The following PARD3B variants were observed in gnomAD, a reference collection of about 807,000 sequenced individuals.
PARD3B encodes the protein par-3 family cell polarity regulator beta, also known as partitioning defective 3 homolog B.
PARD3B carries 103 observed loss-of-function variants against 130.2 expected under a neutral mutation model. That is an observed-to-expected ratio of 0.79 (90% confidence interval 0.67 to 0.93). PARD3B has a LOEUF of 0.93. Ranked by LOEUF, PARD3B falls within the 40% of genes least tolerant of loss-of-function variation. The pLI is 0.00. For missense variants in PARD3B, 1,609 were observed against 1,499.2 expected, an observed-to-expected ratio of 1.07 and a Z score of -1.21; for synonymous variants, 583 against 553.2, an observed-to-expected ratio of 1.05 and a Z score of -0.76.
In PARD3B at chr2:205,463,657, GATTA is replaced by G. The variant is rs2048526954; in HGVS notation, c.3044+22991_3044+22994del. 6.6e-6 allele frequency among the ~76,000 whole-genome samples: 1 copy of G among 152,282 alleles called. No individual in the cohort carries two copies. Among genetic ancestry groups the G allele is most frequent in the African/African-American group, 2.4e-5 (1 of 41,548 alleles). On this transcript the variant is annotated intron_variant, in intron 20 of 22. Coordinates refer to ENST00000406610, the MANE Select transcript of PARD3B (RefSeq NM_001302769.2). The surrounding 1 kb of genome is among the most constrained non-coding windows in gnomAD (Gnocchi z 4.8). ...TTTAAATGAATGGTTAATGGCTGAA[GATTA>G]ATTAAACAGTCAGAGTTGCTGAAGA...
chr2:205,389,271 C>G lies in PARD3B; in HGVS notation c.2631-11742C>G, dbSNP rs112090642. Among the ~76,000 whole-genome samples the G allele has an allele frequency of 6.5e-3, 984 of 152,220 alleles. 11 individuals carry two copies. The highest frequency in any genetic ancestry group is 7.9e-3 in the Non-Finnish European group (537 of 68,012). ...GAAATCTGATCCCTTGCCTTACAAA[C>G]TAAGTTAGGGCTCATATTTTCCAAT... On this transcript the variant is annotated intron_variant, in intron 18 of 22. Transcript: ENST00000406610.
chr2:205,548,006 C>T (rs2052451160), intron 21 of PARD3B, among the ~76,000 whole-genome samples: 2 of 152,148 alleles, frequency 1.3e-5, no homozygotes, highest in Admixed American at 1.3e-4. Context: ...TGTTTTGGCA[C>T]TGTGGAACAC....
intron 21 of PARD3B, among the ~76,000 whole-genome samples, chr2:205,543,419 T>A (rs965155475): frequency 6.6e-6 from 1 of 152,206 alleles, no homozygotes; most frequent in East Asian, 1.9e-4. Flanking sequence ...CACAAACCAC[T>A]GAGAATACTT....
intron 21 of PARD3B, among the ~76,000 whole-genome samples, chr2:205,502,644 A>G (rs1002857540): frequency 6.6e-6 from 1 of 152,124 alleles, no homozygotes; most frequent in Non-Finnish European, 1.5e-5. Context: ...CTTCTGAACT[A>G]TGGAGAAGGA....
intron 2 of PARD3B, among the ~76,000 whole-genome samples, chr2:204,713,820 A>G (rs1293045953): frequency 1.2e-5 from 1 of 84,098 alleles, no homozygotes; most frequent in Non-Finnish European, 2.6e-5. Context: ...AATGTTGTTC[A>G]AGGGTTGCCT....
chr2:205,529,258 T>C (rs1408670626), intron 21 of PARD3B, among the ~76,000 whole-genome samples: 1 of 152,228 alleles, frequency 6.6e-6, no homozygotes, highest in Non-Finnish European at 1.5e-5. Flanking sequence ...ACTTTATTTG[T>C]AGTTAATTTA....
chr2:205,603,772 C>T (rs1369404615), intron 22 of PARD3B, among the ~76,000 whole-genome samples: 1 of 152,160 alleles, frequency 6.6e-6, no homozygotes, highest in African/African-American at 2.4e-5. Context: ...CTTTTGAATA[C>T]AGAATACAAT....
rs988598071 is a variant in PARD3B, at chr2:205,563,269, G to A, written c.3260+9866G>A. ...TAAGAACAATCAAGGCAAGGGAGAGGTTGTAAAACCTATTGCGTGCCTTCT... is the reference window on the plus strand; with the variant it reads ...TAAGAACAATCAAGGCAAGGGAGAGATTGTAAAACCTATTGCGTGCCTTCT... On this transcript the variant is annotated intron_variant, in intron 22 of 22. Coordinates refer to ENST00000406610, the MANE Select transcript of PARD3B (RefSeq NM_001302769.2). This position sits in a 1 kb window ranked among gnomAD's most constrained non-coding sequence, Gnocchi z 4.2. 6.6e-6 allele frequency among the ~76,000 whole-genome samples: 1 copy of A among 152,172 alleles called. No individual in the cohort carries two copies. Among genetic ancestry groups the A allele is most frequent in the Non-Finnish European group, 1.5e-5 (1 of 68,048 alleles).
intron 2 of PARD3B, among the ~76,000 whole-genome samples, chr2:204,715,484 C>CT (rs77864369): frequency 0.047 from 6,344 of 135,452 alleles, 437 homozygotes; most frequent in African/African-American, 0.15. Flanking sequence ...TGCTGTTTTT[C>CT]TTTTTTTTTT....
At chr2:205,139,971 A>G (rs1373109009) in intron 10 of PARD3B, among the ~76,000 whole-genome samples, 1 of 152,220 alleles carries the variant, frequency 6.6e-6, no homozygotes, top group Non-Finnish European at 1.5e-5. Flanking sequence ...AAGAATACTG[A>G]TCGCATGTGA....
intron 2 of PARD3B, among the ~76,000 whole-genome samples, chr2:204,714,400 CTG>C (rs1403080447): frequency 3.3e-5 from 5 of 152,112 alleles, no homozygotes; most frequent in East Asian, 1.9e-4. Context: ...TTTATTTTTT[CTG>C]TGTTTTTTTA....
At position 204,907,223 on chromosome 2, in the gene PARD3B, A is replaced by G. The variant is rs1385955002; in HGVS notation, c.223-57929A>G. On this transcript the variant is annotated intron_variant, in intron 2 of 22. Coordinates refer to ENST00000406610, the MANE Select transcript of PARD3B (RefSeq NM_001302769.2). The surrounding 1 kb of genome is among the most constrained non-coding windows in gnomAD (Gnocchi z 5.7). ...TCTTGATCTTCTGACCTTGTTATCCACCCACCTCGGCCTCCCAAAGTGCTG... is the reference window on the plus strand; with the variant it reads ...TCTTGATCTTCTGACCTTGTTATCCGCCCACCTCGGCCTCCCAAAGTGCTG... Among the ~76,000 whole-genome samples, 1 of 151,912 alleles carries G rather than the reference A, an allele frequency of 6.6e-6. No individual in the cohort carries two copies. Among genetic ancestry groups the G allele is most frequent in the Admixed American group, 6.6e-5 (1 of 15,244 alleles).
At chr2:205,215,957 T>C (rs1440249308) in intron 15 of PARD3B, among the ~76,000 whole-genome samples, 1 of 152,088 alleles carries the variant, frequency 6.6e-6, no homozygotes, top group Non-Finnish European at 1.5e-5. Context: ...AAAATGTTAA[T>C]GGTAAAATGC....
intron 8 of PARD3B, 89 bp from the exon 9 acceptor site, chr2:205,124,238 G>A: frequency 9.4e-7 from 1 of 1,062,570 alleles, no homozygotes; most frequent in Non-Finnish European, 1.3e-6. Context: ...TTCTATATTA[G>A]TCTAAATTAG....
intron 4 of PARD3B, among the ~76,000 whole-genome samples, chr2:205,062,884 C>A (rs1700141772): frequency 6.6e-6 from 1 of 151,990 alleles, no homozygotes; most frequent in East Asian, 1.9e-4. Flanking sequence ...AGATACAGGT[C>A]TCTGAGAGTA....
chr2:205,179,220 G>A (rs1240374752), intron 13 of PARD3B, among the ~76,000 whole-genome samples: 3 of 152,172 alleles, frequency 2.0e-5, no homozygotes, highest in Non-Finnish European at 4.4e-5. Flanking sequence ...CAATGTGTTT[G>A]TGTTTTAAGC....
In PARD3B at chr2:205,440,220, T is replaced by C. The variant is rs2047663797; in HGVS notation, c.2742-150T>C. On this transcript the variant is annotated intron_variant, in intron 19 of 22. Coordinates refer to ENST00000406610, the MANE Select transcript of PARD3B (RefSeq NM_001302769.2). This position sits in a 1 kb window ranked among gnomAD's most constrained non-coding sequence, Gnocchi z 4.2. ...ATATATAAAATTAATCTTCTTATGC[T>C]GTTGGCATTTCTGCATGCTGTGATC... is the stretch of plus-strand genomic sequence containing the variant. The C allele has an allele frequency of 2.8e-6, 2 of 724,178 alleles. No homozygotes were observed. The highest frequency in any genetic ancestry group is 5.4e-5 in the East Asian group (2 of 37,046). 44.9% of individuals were successfully genotyped at this position (724,178 alleles called of 1,614,324 possible).
intron 2 of PARD3B, among the ~76,000 whole-genome samples, chr2:204,737,414 C>T (rs1181993202): frequency 6.6e-6 from 1 of 152,070 alleles, no homozygotes; most frequent in East Asian, 1.9e-4. Context: ...ATGTCTTTTG[C>T]CCCCTTTTTA....
intron 1 of PARD3B, among the ~76,000 whole-genome samples, chr2:204,685,321 G>A (rs915989329): frequency 1.1e-4 from 17 of 152,170 alleles, no homozygotes; most frequent in Non-Finnish European, 1.9e-4. Flanking sequence ...TTATAGCTTG[G>A]GGATTATGGT....
Sources: gnomAD v4.1 joint callset for allele counts (sites outside exome capture counted in the v4.1 genomes callset) on GRCh38, gnomAD v4.1.1 for gene constraint, Gnocchi (gnomAD v3.1) non-coding constraint, MANE v1.5 for transcripts, NCBI Gene and HGNC (gene_info 2026-07-23, HGNC 2026-07-21) for gene names.